Variants in SERPINE3 observed in about 807,000 individuals in gnomAD.
The protein encoded by SERPINE3 is serpin E3.
A neutral mutation model predicts 41.7 loss-of-function variants in SERPINE3; 43 were observed. The observed-to-expected ratio is 1.03, with a 90% CI of 0.81 to 1.33. The LOEUF is 1.33. Ranked by LOEUF, SERPINE3 falls within the 40% of genes most tolerant of loss-of-function variation. The pLI, the probability that SERPINE3 is intolerant of heterozygous loss-of-function variation, is 0.00. For synonymous variants in SERPINE3, 200 were observed against 192.2 expected, an observed-to-expected ratio of 1.04 and a Z score of -0.34; for missense variants, 440 against 491.7, an observed-to-expected ratio of 0.89 and a Z score of 0.99.
At position 51,341,272 on chromosome 13, in the gene SERPINE3, C is replaced by A; in HGVS notation, c.181C>A (p.Leu61Met). The A allele has an allele frequency of 6.2e-7, 1 of 1,613,974 alleles. No individual in the cohort carries two copies. Among genetic ancestry groups the A allele is most frequent in the Non-Finnish European group, 8.5e-7 (1 of 1,179,862 alleles). ...CTCTCCTGCTGGTGTGTCCCTCCCC[C>A]TGGAGATCCTGCAGTTTGGAGCAGA... is the stretch of plus-strand genomic sequence containing the variant. Reference protein sequence around the residue: ...VISPAGVSLPLEILQFGAEGS... With the variant: ...VISPAGVSLPMEILQFGAEGS... The change falls in exon 3 of 10, where the codon CTG becomes ATG. Residue 61 changes from leucine to methionine, a missense_variant. Physicochemically the swap from Leu to Met is conservative, Grantham distance 15. Transcript: ENST00000681248.
intron 6 of SERPINE3, among the ~76,000 whole-genome samples, chr13:51,351,569 T>C (rs1955403107): frequency 6.6e-6 from 1 of 152,174 alleles, no homozygotes; most frequent in Admixed American, 6.5e-5. Context: ...AAATACTTTG[T>C]CATTCTGTGG....
At position 51,347,574 on chromosome 13, in the gene SERPINE3, G is replaced by A. The variant is rs182711416; in HGVS notation, c.700+340G>A. On this transcript the variant is annotated intron_variant, in intron 5 of 9. Transcript: ENST00000681248. The stretch of plus-strand genomic sequence containing the variant: ...ATTGAATGGCTGCTCCTTTAAGATC[G>A]GGTACAGTAGTACCCTGTACCCTTA... Among the ~76,000 whole-genome samples, 205 of 152,260 alleles carry A rather than the reference G, an allele frequency of 1.3e-3. 1 individual carries two copies. The highest frequency in any genetic ancestry group is 4.6e-3 in the African/African-American group (191 of 41,540).
At chr13:51,356,086 GAC>G (rs905216671) in intron 7 of SERPINE3, among the ~76,000 whole-genome samples, 3 of 152,134 alleles carry the variant, frequency 2.0e-5, no homozygotes, top group Non-Finnish European at 4.4e-5. Context: ...TGACCAGATT[GAC>G]AGTTACTTAT....
intron 7 of SERPINE3, among the ~76,000 whole-genome samples, chr13:51,360,046 C>T (rs1162013111): frequency 6.6e-6 from 1 of 152,076 alleles, no homozygotes; most frequent in Non-Finnish European, 1.5e-5. Context: ...ATAGCCAACT[C>T]CCAACATCCT....
rs1434108136 is a variant in SERPINE3 at position 51,348,268 on chromosome 13, G to A, written c.756G>A (p.Leu252=). The change falls in exon 6 of 10, where the codon CTG becomes CTA. Residue 252 remains leucine (L), a synonymous_variant. Transcript: ENST00000681248. ...HQVGVLELPY[L]GSAVSLFLVL... is the part of the protein sequence containing the mutation. ...TGGGGGTGCTGGAGCTTCCTTACCTGGGAAGTGCAGTGAGTCTGTTCCTGG... is the reference window on the plus strand; with the variant it reads ...TGGGGGTGCTGGAGCTTCCTTACCTAGGAAGTGCAGTGAGTCTGTTCCTGG... 7 of 1,609,456 alleles carry A rather than the reference G, an allele frequency of 4.3e-6. No homozygotes were observed. Among genetic ancestry groups the A allele is most frequent in the Non-Finnish European group, 5.9e-6 (7 of 1,178,058 alleles).
intron 4 of SERPINE3, among the ~76,000 whole-genome samples, chr13:51,346,110 G>C (rs1955343280): frequency 6.6e-6 from 1 of 152,226 alleles, no homozygotes; most frequent in African/African-American, 2.4e-5. Context: ...GTGAGGATTT[G>C]CTAAAGCACT....
intron 7 of SERPINE3, among the ~76,000 whole-genome samples, chr13:51,356,247 C>A (rs1025704199): frequency 6.6e-6 from 1 of 152,004 alleles, no homozygotes; most frequent in Admixed American, 6.6e-5. Flanking sequence ...AGTTGGATAC[C>A]AAGTAAATAC....
rs373124761 is a variant in SERPINE3 at position 51,347,129 on chromosome 13, C to T, written c.595C>T (p.Arg199Ter). 2 of 1,613,454 alleles carry T rather than the reference C, an allele frequency of 1.2e-6. No individual in the cohort carries two copies. The highest frequency in any genetic ancestry group is 1.7e-5 in the Admixed American group (1 of 59,966). ...VSTMSFQGTW[R>*]KRFSSTDTQI... Reference sequence around the variant, plus strand: ...CACCATGTCCTTCCAAGGCACTTGGCGAAAGAGATTCTCCTCCACAGACAC... The same window carrying T: ...CACCATGTCCTTCCAAGGCACTTGGTGAAAGAGATTCTCCTCCACAGACAC... The change falls in exon 5 of 10, where the codon CGA becomes TGA. Residue 199 changes from arginine to a stop codon, truncating the protein, a stop_gained. Transcript: ENST00000681248. LOFTEE classifies it high-confidence loss of function.
intron 4 of SERPINE3, among the ~76,000 whole-genome samples, chr13:51,345,453 G>A (rs1476420440): frequency 6.6e-6 from 1 of 152,034 alleles, no homozygotes; most frequent in Admixed American, 6.6e-5. Flanking sequence ...AATTAGCCAG[G>A]CATGGTGGCA....
intron 6 of SERPINE3, among the ~76,000 whole-genome samples, chr13:51,349,913 C>T (rs1314088847): frequency 6.6e-6 from 1 of 152,058 alleles, no homozygotes; most frequent in African/African-American, 2.4e-5. Context: ...GTAAAACTAA[C>T]CAAGTTTTTT....
chr13:51,353,144 T>C (rs1486932774), intron 6 of SERPINE3, among the ~76,000 whole-genome samples: 2 of 152,176 alleles, frequency 1.3e-5, no homozygotes, highest in East Asian at 3.8e-4. Context: ...TCTGCCTTCA[T>C]AGCCATACAA....
chr13:51,362,053 G>A (rs1955588854), intron 9 of SERPINE3, 160 bp downstream of exon 9: 1 of 1,577,806 alleles, frequency 6.3e-7, no homozygotes, highest in Non-Finnish European at 8.6e-7. Context: ...CCTAAGAAAG[G>A]GGACTATTTC....
intron 7 of SERPINE3, among the ~76,000 whole-genome samples, chr13:51,359,190 C>G (rs779572857): frequency 6.6e-6 from 1 of 152,112 alleles, no homozygotes; most frequent in African/African-American, 2.4e-5. Flanking sequence ...AGAAAAAGAC[C>G]AGGAGAATCC....
chr13:51,348,213 G>T lies in SERPINE3; in HGVS notation c.701G>T (p.Gly234Val). The T allele has an allele frequency of 6.3e-6, 10 of 1,581,496 alleles. No homozygotes were observed. The highest frequency in any genetic ancestry group is 8.6e-6 in the Non-Finnish European group (10 of 1,163,126). The change falls in exon 6 of 10, where the codon GGT (glycine) becomes GTT (valine). Residue 234 changes from glycine to valine, a missense_variant and splice_region_variant. Coordinates refer to ENST00000681248, the MANE Select transcript of SERPINE3 (RefSeq NM_001386375.1). ...GACCTCTGATCCACTGTACCCTCAG[G>T]TCAGTTCCAGGACACTGCAGGCCAT... is the stretch of plus-strand genomic sequence containing the variant. Reference protein sequence around the residue: ...MMHQTTEVNYGQFQDTAGHQV... With the variant: ...MMHQTTEVNYVQFQDTAGHQV...
At position 51,347,275 on chromosome 13, in the gene SERPINE3, G is replaced by T. The variant is rs773356688; in HGVS notation, c.700+41G>T. 3.2e-5 allele frequency: 50 copies of T among 1,574,390 alleles called. No individual in the cohort carries two copies. The Admixed American group carries it at 8.6e-4, about 27-fold the overall frequency. On this transcript the variant is annotated intron_variant, in intron 5 of 9. Coordinates refer to ENST00000681248, the MANE Select transcript of SERPINE3 (RefSeq NM_001386375.1). ...GCTGGTTTGTCTAAAGGGAGAGGAA[G>T]CCTGGGCCTGAGGGCAGGAGAGAGG...
At chr13:51,363,708 G>C (rs1387088828) in intron 9 of SERPINE3, 2 of 151,568 alleles carry the variant, frequency 1.3e-5, no homozygotes, top group African/African-American at 4.8e-5. Context: ...AAAAGCCTGA[G>C]GGAGATGAGA....
intron 4 of SERPINE3, 133 bp downstream of exon 4, chr13:51,344,618 T>C: frequency 4.3e-6 from 3 of 702,112 alleles, no homozygotes; most frequent in Non-Finnish European, 7.3e-6. Flanking sequence ...TCTTAGGAGA[T>C]CCTACCCTTG....
chr13:51,354,787 T>C (rs1955454340), intron 6 of SERPINE3, among the ~76,000 whole-genome samples: 1 of 151,628 alleles, frequency 6.6e-6, no homozygotes, highest in African/African-American at 2.4e-5. Context: ...AACTGAAAAA[T>C]GGATAATAAC....
rs1955571655 is a variant in SERPINE3, at chr13:51,361,359, C to A, written c.1082C>A (p.Ala361Asp). Residue 361 changes from alanine to aspartate, a missense_variant, in exon 8 of 10, where the codon GCC becomes GAC. Physicochemically the swap from Ala to Asp is moderately radical, Grantham distance 126. Coordinates refer to ENST00000681248, the MANE Select transcript of SERPINE3 (RefSeq NM_001386375.1). ...VLEEGTKASG[A>D]TALLLLKRSR... ...GAGGAAGGCACCAAGGCATCTGGAG[C>A]CACAGGTATGTTCAGAGAATACCCA... 6.2e-7 allele frequency: 1 copy of A among 1,600,840 alleles called. No homozygotes were observed. The highest frequency in any genetic ancestry group is 8.5e-7 in the Non-Finnish European group (1 of 1,169,646).
Sources: gnomAD v4.1 joint callset for allele counts (sites outside exome capture counted in the v4.1 genomes callset) on GRCh38, gnomAD v4.1.1 for gene constraint, MANE v1.5 for transcripts, NCBI Gene and HGNC (gene_info 2026-07-23, HGNC 2026-07-21) for gene names.